Variants in THAP8 observed in about 807,000 individuals in gnomAD.
THAP8 encodes THAP domain-containing protein 8.
Under a neutral mutation model 25.0 loss-of-function variants are expected in THAP8, and 24 were observed. That is an observed-to-expected ratio of 0.96 (90% CI 0.69 to 1.35). The LOEUF (loss-of-function observed/expected upper bound fraction) is 1.35, where lower values mean the gene tolerates loss of function less well. THAP8 is among the 40% of genes most tolerant of loss of function. THAP8 has a pLI of 0.00. For missense variants in THAP8, 399 were observed against 368.8 expected, an observed-to-expected ratio of 1.08 and a Z score of -0.67; for synonymous variants, 169 against 157.6, an observed-to-expected ratio of 1.07 and a Z score of -0.54.
chr19:36,053,953 T>A (rs1599732896), intron 1 of THAP8, among the ~76,000 whole-genome samples, 182 bp downstream of exon 1: 2 of 152,302 alleles, frequency 1.3e-5, no homozygotes, highest in South Asian at 4.1e-4. Flanking sequence ...TACTCCTGTT[T>A]CCCACGCCTG....
chr19:36,036,065 C>T (rs1969429723), intron 3 of THAP8, among the ~76,000 whole-genome samples: 1 of 151,948 alleles, frequency 6.6e-6, no homozygotes, highest in Non-Finnish European at 1.5e-5. Context: ...GAGAGGCAGT[C>T]AGCTCAGGGG....
At chr19:36,035,782 G>C (rs759065383) in intron 3 of THAP8, among the ~76,000 whole-genome samples, 190 bp from the exon 4 acceptor site, 22 of 152,038 alleles carry the variant, frequency 1.4e-4, no homozygotes, top group Non-Finnish European at 3.1e-4. Flanking sequence ...CATGGGAAAG[G>C]AAAGAAGGGT....
chr19:36,043,545 T>C (rs1200509136), intron 1 of THAP8, among the ~76,000 whole-genome samples: 2 of 152,154 alleles, frequency 1.3e-5, no homozygotes, highest in Admixed American at 6.6e-5. Flanking sequence ...AAATGGTAGA[T>C]TTTATGTGTA....
chr19:36,054,349 C>G (rs1014749905), upstream of THAP8: 4 of 1,129,262 alleles, frequency 3.5e-6, no homozygotes, highest in Non-Finnish European at 5.1e-6. Flanking sequence ...CGTCACGTAC[C>G]GGGGAGAGAG....
intron 3 of THAP8, among the ~76,000 whole-genome samples, chr19:36,037,301 C>A (rs745323502): frequency 7.9e-5 from 11 of 139,038 alleles, no homozygotes; most frequent in Non-Finnish European, 1.8e-4. Flanking sequence ...TCCTCCCCTA[C>A]ACACACACAC....
upstream of THAP8, chr19:36,054,352 GGA>G (rs1282825353): frequency 9.1e-7 from 1 of 1,104,212 alleles, no homozygotes; most frequent in Admixed American, 2.1e-5. Flanking sequence ...CACGTACCGG[GGA>G]GAGAGCTGAG....
At chr19:36,045,942 T>G (rs556137780) in intron 1 of THAP8, 2 of 454,492 alleles carry the variant, frequency 4.4e-6, no homozygotes, top group Admixed American at 2.4e-5. Context: ...AGCCACCAAG[T>G]TTGTTAGAGC....
chr19:36,046,204 A>G (rs1969876324), intron 1 of THAP8, among the ~76,000 whole-genome samples: 1 of 152,066 alleles, frequency 6.6e-6, no homozygotes, highest in Non-Finnish European at 1.5e-5. Context: ...TAAAAGTGGC[A>G]GTTCCCCTCT....
At chr19:36,040,913 G>C (rs1236237262) in intron 1 of THAP8, among the ~76,000 whole-genome samples, 1 of 152,160 alleles carries the variant, frequency 6.6e-6, no homozygotes, top group Non-Finnish European at 1.5e-5. Context: ...AGAAACATCA[G>C]CACAAACGCA....
At chr19:36,049,911 G>T (rs1205202807) in intron 1 of THAP8, among the ~76,000 whole-genome samples, 2 of 152,076 alleles carry the variant, frequency 1.3e-5, no homozygotes, top group Non-Finnish European at 2.9e-5. Flanking sequence ...AGAATTGGCT[G>T]GGTGTGGTGG....
rs143215348 is a variant in THAP8, at chr19:36,040,121, A to G, written c.99T>C (p.Asp33=). ...GCAGCCAGGCCTGCAGCCGGGGACC[A>G]TCCTTCAGTGGGAACCTGCATGGGT... ...PVSFYKFPLK[D]GPRLQAWLQH... Residue 33 remains aspartate, a synonymous_variant, in exon 2 of 4, where the codon GAT becomes GAC. Transcript: ENST00000292894. 6.2e-6 allele frequency: 10 copies of G among 1,607,952 alleles called. No homozygotes were observed. In the East Asian group the frequency reaches 1.6e-4, roughly 25 times the overall value.
At chr19:36,039,773 G>C in intron 2 of THAP8, 55 bp from the exon 3 acceptor site, 1 of 1,488,060 alleles carries the variant, frequency 6.7e-7, no homozygotes, top group African/African-American at 1.4e-5. Context: ...CGACTCAGGA[G>C]GAAAGGGATG....
Position 36,040,052 on chromosome 19 carries a change from G to C in THAP8, c.168C>G (p.His56Gln), listed in dbSNP as rs754740488. 8.1e-5 allele frequency: 130 copies of C among 1,613,608 alleles called. No individual in the cohort carries two copies. The highest frequency in any genetic ancestry group is 1.1e-4 in the Non-Finnish European group (125 of 1,179,866). ...CEHWVPSCHQ[H>Q]LCSEHFTPSC... The stretch of plus-strand genomic sequence containing the variant: ...AGGGTGTGAAGTGCTCGCTGCACAA[G>C]TGCTGGTGGCAGCTGGGCACCCAGT... The change falls in exon 2 of 4, where the codon CAC (histidine) becomes CAG (glutamine). Residue 56 changes from histidine (H) to glutamine (Q), a missense_variant. Physicochemically the swap from His to Gln is conservative, Grantham distance 24. Transcript: ENST00000292894.
chr19:36,054,745 T>G, upstream of THAP8: 1 of 610,518 alleles, frequency 1.6e-6, no homozygotes, highest in Non-Finnish European at 2.9e-6. Flanking sequence ...TAATCAGGCA[T>G]CCAGTACACT....
intron 1 of THAP8, among the ~76,000 whole-genome samples, chr19:36,049,221 T>C (rs1371856799): frequency 1.3e-5 from 2 of 150,020 alleles, no homozygotes; most frequent in African/African-American, 4.9e-5. Context: ...TTGACTAGCA[T>C]AAAAATAAAA....
At chr19:36,048,260 C>T (rs1285672730) in intron 1 of THAP8, among the ~76,000 whole-genome samples, 2 of 152,110 alleles carry the variant, frequency 1.3e-5, no homozygotes, top group African/African-American at 4.8e-5. Context: ...CACCTTTGGG[C>T]CACGTGTGGT....
intron 1 of THAP8, among the ~76,000 whole-genome samples, chr19:36,040,633 C>A (rs535643481): frequency 4.6e-5 from 7 of 152,042 alleles, no homozygotes; most frequent in South Asian, 4.2e-4. Flanking sequence ...GGCATTTCTT[C>A]TTATTATTAT....
chr19:36,048,267 T>G (rs1243429371), intron 1 of THAP8, among the ~76,000 whole-genome samples: 1 of 152,066 alleles, frequency 6.6e-6, no homozygotes, highest in African/African-American at 2.4e-5. Flanking sequence ...GGGCCACGTG[T>G]GGTGATTCAT....
At chr19:36,037,066 G>A (rs1463162732) in intron 3 of THAP8, among the ~76,000 whole-genome samples, 1 of 151,936 alleles carries the variant, frequency 6.6e-6, no homozygotes, top group Non-Finnish European at 1.5e-5. Flanking sequence ...ATACAAGCAG[G>A]GCTCTGAAAG....
Sources: gnomAD v4.1 joint callset for allele counts (sites outside exome capture counted in the v4.1 genomes callset) on GRCh38, gnomAD v4.1.1 for gene constraint, MANE v1.5 for transcripts, NCBI Gene and HGNC (gene_info 2026-07-23, HGNC 2026-07-21) for gene names.